GRID1: variants seen among roughly 807,000 people sequenced by gnomAD.
GRID1 encodes the protein glutamate ionotropic receptor delta type subunit 1.
In GRID1, 28 loss-of-function variants were observed where a neutral mutation model predicts 98.0. That is an observed-to-expected ratio of 0.29 (90% confidence interval 0.21 to 0.39). The LOEUF is 0.39. Among genes scored for constraint, GRID1 ranks in the 10% least tolerant of loss-of-function variants. The pLI, the probability that GRID1 is intolerant of heterozygous loss-of-function variation, is 1.00. For missense variants in GRID1, 1,111 were observed against 1,340.5 expected (o/e 0.83, Z 2.67); for synonymous variants, 553 against 538.5 (o/e 1.03, Z -0.37).
intron 8 of GRID1, among the ~76,000 whole-genome samples, chr10:85,804,378 C>A: frequency 6.6e-6 from 1 of 151,796 alleles, no homozygotes; most frequent in East Asian, 1.9e-4. Context: ...ATATTGAATT[C>A]ATAATTCAAA....
chr10:86,364,232 G>A, intron 1 of GRID1, 136 bp from the exon 2 acceptor site: 1 of 693,556 alleles, frequency 1.4e-6, no homozygotes, highest in Non-Finnish European at 2.5e-6. Context: ...CAGCTTGGCG[G>A]GGTAGATTAA....
chr10:86,324,515 G>C (rs917692373), intron 2 of GRID1, among the ~76,000 whole-genome samples: 1 of 152,080 alleles, frequency 6.6e-6, no homozygotes, highest in Admixed American at 6.5e-5. Flanking sequence ...GATGCCAAAC[G>C]CCCTGTGGTG....
intron 3 of GRID1, among the ~76,000 whole-genome samples, chr10:86,187,546 C>T (rs78813622): frequency 0.015 from 2,241 of 152,232 alleles, 18 homozygotes; most frequent in Non-Finnish European, 0.02. Flanking sequence ...CAGCACTGAA[C>T]GAGACCAGGA....
At chr10:86,028,081 A>G (rs926247641) in intron 4 of GRID1, among the ~76,000 whole-genome samples, 17 of 152,156 alleles carry the variant, frequency 1.1e-4, no homozygotes, top group African/African-American at 4.1e-4. Flanking sequence ...CTCAAATTAC[A>G]CATCTCACAA....
intron 4 of GRID1, among the ~76,000 whole-genome samples, chr10:86,086,994 C>A (rs999740880): frequency 5.9e-5 from 9 of 152,186 alleles, no homozygotes; most frequent in Admixed American, 5.2e-4. Context: ...AGTTCCTTTG[C>A]TTTCTTGCCT....
At chr10:86,062,979 C>G (rs758659063) in intron 4 of GRID1, among the ~76,000 whole-genome samples, 1 of 152,240 alleles carries the variant, frequency 6.6e-6, no homozygotes, top group Non-Finnish European at 1.5e-5. Context: ...TGGGTCCTAC[C>G]CAGAACTTGG....
intron 4 of GRID1, among the ~76,000 whole-genome samples, chr10:86,126,286 T>G (rs1204472034): frequency 6.6e-6 from 1 of 151,992 alleles, no homozygotes; most frequent in Non-Finnish European, 1.5e-5. Flanking sequence ...AAACCCCGTC[T>G]CTACTAAAAA....
intron 4 of GRID1, among the ~76,000 whole-genome samples, chr10:85,944,209 C>T (rs1395004163): frequency 6.6e-6 from 1 of 152,182 alleles, no homozygotes; most frequent in Non-Finnish European, 1.5e-5. Context: ...AAACTGGTGG[C>T]CCACAGAATT....
chr10:86,263,586 G>T (rs929897667), intron 2 of GRID1, among the ~76,000 whole-genome samples: 7 of 152,224 alleles, frequency 4.6e-5, no homozygotes, highest in Non-Finnish European at 7.3e-5. Flanking sequence ...GCCTGGGCTG[G>T]AATCCTGCTG....
intron 4 of GRID1, among the ~76,000 whole-genome samples, chr10:85,965,091 C>G (rs955383762): frequency 6.6e-6 from 1 of 152,170 alleles, no homozygotes; most frequent in Admixed American, 6.5e-5. Flanking sequence ...AAAGAGACAC[C>G]ATCTCATGCC....
chr10:86,353,764 G>A (rs10887586), intron 2 of GRID1, among the ~76,000 whole-genome samples: 38,432 of 152,120 alleles, frequency 0.25, 5,287 homozygotes, highest in South Asian at 0.46. Context: ...TTTTAGTTAC[G>A]AGAGCCCTGT....
At chr10:85,923,451 G>C (rs1841733443) in intron 4 of GRID1, among the ~76,000 whole-genome samples, 1 of 152,182 alleles carries the variant, frequency 6.6e-6, no homozygotes, top group Non-Finnish European at 1.5e-5. Flanking sequence ...GTTCAGGGAA[G>C]GCACTGGCTG....
intron 4 of GRID1, among the ~76,000 whole-genome samples, chr10:86,057,574 G>A (rs962926246): frequency 6.6e-6 from 1 of 152,110 alleles, no homozygotes; most frequent in Admixed American, 6.5e-5. Context: ...CCCTTGCTGG[G>A]TTCCCAACAT....
chr10:85,983,008 C>T (rs1842564727), intron 4 of GRID1, among the ~76,000 whole-genome samples: 1 of 152,306 alleles, frequency 6.6e-6, no homozygotes, highest in East Asian at 1.9e-4. Flanking sequence ...CTCTCAAGAC[C>T]CTCTATTGTT....
chr10:86,080,287 T>C (rs1043039996), intron 4 of GRID1, among the ~76,000 whole-genome samples: 2 of 150,188 alleles, frequency 1.3e-5, no homozygotes, highest in Non-Finnish European at 3.0e-5. Context: ...TGAGCCAAGA[T>C]CGTGCCACTG....
chr10:85,821,486 C>A (rs1439189713), intron 8 of GRID1, among the ~76,000 whole-genome samples: 3 of 122,432 alleles, frequency 2.5e-5, no homozygotes, highest in African/African-American at 9.4e-5. Context: ...CACTGCACTC[C>A]AGCCTGGGTG....
intron 2 of GRID1, among the ~76,000 whole-genome samples, chr10:86,229,759 C>T (rs1048786666): frequency 2.0e-5 from 3 of 152,192 alleles, no homozygotes. Flanking sequence ...GTCCACCTAC[C>T]CATACCTGGC....
Position 85,643,411 on chromosome 10 carries a change from T to C in GRID1, c.2193+3791A>G, listed in dbSNP as rs115786428. ...CTGGATTCAAGTCGTCATCCTCACT[T>C]AGGGCACAGCCATCTCCAGACTGGT... On this transcript the variant is annotated intron_variant, in intron 13 of 15. Coordinates refer to ENST00000327946, the MANE Select transcript of GRID1 (RefSeq NM_017551.3). Among the ~76,000 whole-genome samples, 463 of 152,224 alleles carry C rather than the reference T, an allele frequency of 3.0e-3. 3 individuals carry two copies. The highest frequency in any genetic ancestry group is 0.011 in the African/African-American group (444 of 41,530).
chr10:86,338,147 C>A (rs1488255123), intron 2 of GRID1, among the ~76,000 whole-genome samples: 2 of 152,028 alleles, frequency 1.3e-5, no homozygotes, highest in South Asian at 2.1e-4. Flanking sequence ...CGTCAGGATA[C>A]TCCCATCCCT....
Sources: gnomAD v4.1 joint callset for allele counts (sites outside exome capture counted in the v4.1 genomes callset) on GRCh38, gnomAD v4.1.1 for gene constraint, MANE v1.5 for transcripts, NCBI Gene and HGNC (gene_info 2026-07-23, HGNC 2026-07-21) for gene names.